ANO6: variants seen among roughly 807,000 people sequenced by gnomAD.
The protein encoded by ANO6 is anoctamin-6.
A neutral mutation model predicts 117.5 loss-of-function variants in ANO6; 106 were observed. The observed-to-expected ratio is 0.90, with a 90% confidence interval of 0.77 to 1.06. The LOEUF (loss-of-function observed/expected upper bound fraction) is 1.06. Among genes scored for constraint, ANO6 ranks in the 50% least tolerant of loss-of-function variants. The pLI is 0.00. For synonymous variants in ANO6, 367 were observed against 385.1 expected, an observed-to-expected ratio of 0.95 and a Z score of 0.55; for missense variants, 955 against 1,121.1, an observed-to-expected ratio of 0.85 and a Z score of 2.12.
At chr12:45,408,131 T>C (rs1277997908) in intron 15 of ANO6, among the ~76,000 whole-genome samples, 1 of 152,212 alleles carries the variant, frequency 6.6e-6, no homozygotes, top group African/African-American at 2.4e-5. Flanking sequence ...TGTGCACGTG[T>C]GCACATGTGA....
At chr12:45,337,957 A>G (rs965224512) in intron 3 of ANO6, among the ~76,000 whole-genome samples, 1 of 152,100 alleles carries the variant, frequency 6.6e-6, no homozygotes, top group Non-Finnish European at 1.5e-5. Flanking sequence ...AAGGTCACCT[A>G]TGGAAATATA....
chr12:45,422,427 A>G (rs1489671193), intron 18 of ANO6, among the ~76,000 whole-genome samples: 2 of 152,204 alleles, frequency 1.3e-5, no homozygotes, highest in Non-Finnish European at 2.9e-5. Flanking sequence ...ATTCTTTTCT[A>G]CAAAGATGGA....
chr12:45,348,710 G>T, intron 6 of ANO6, 79 bp downstream of exon 6: 1 of 1,059,694 alleles, frequency 9.4e-7, no homozygotes, highest in South Asian at 1.3e-5. Flanking sequence ...TAACTTTCCT[G>T]ACTGTAAGTT....
intron 1 of ANO6, among the ~76,000 whole-genome samples, chr12:45,246,015 A>G (rs1336983074): frequency 6.6e-6 from 1 of 152,132 alleles, no homozygotes; most frequent in Non-Finnish European, 1.5e-5. Flanking sequence ...AATATTACTA[A>G]TAAGCATTAC....
chr12:45,432,004 T>C lies in ANO6; in HGVS notation c.*2693T>C. 1 of 985,358 alleles carries C rather than the reference T, an allele frequency of 1.0e-6. No homozygotes were observed. Among genetic ancestry groups the C allele is most frequent in the Non-Finnish European group, 1.2e-6 (1 of 829,868 alleles). 61.0% of individuals were successfully genotyped at this position (985,358 alleles called of 1,614,324 possible). A position where few individuals can be genotyped will look rare whatever the true frequency, so the allele number is the denominator to read the frequency against. ...TTTATTTTAAAACTAAACAAGGCCA[T>C]CTTATAAACTGTCACCAAAGTCTTC... On this transcript the variant is annotated 3_prime_UTR_variant, in exon 20 of 20. Transcript: ENST00000320560.
At chr12:45,255,863 C>G (rs1362487128) in intron 1 of ANO6, among the ~76,000 whole-genome samples, 2 of 139,996 alleles carry the variant, frequency 1.4e-5, no homozygotes, top group African/African-American at 5.4e-5. Flanking sequence ...CCCATTCGCA[C>G]AGGCCAGAGC....
chr12:45,320,577 G>A (rs930927486), intron 2 of ANO6, among the ~76,000 whole-genome samples: 3 of 152,182 alleles, frequency 2.0e-5, no homozygotes, highest in African/African-American at 7.2e-5. Flanking sequence ...GTGTGGTGCT[G>A]AGAAGAATGT....
At chr12:45,367,833 AT>A (rs748369328) in intron 9 of ANO6, 40 bp downstream of exon 9, 12 of 1,432,154 alleles carry the variant, frequency 8.4e-6, no homozygotes, top group African/African-American at 5.6e-5. Flanking sequence ...CTAATGAAAG[AT>A]TTTTTTTCTA....
At chr12:45,221,953 C>T (rs535015652) in intron 1 of ANO6, among the ~76,000 whole-genome samples, 2 of 149,344 alleles carry the variant, frequency 1.3e-5, no homozygotes, top group South Asian at 4.2e-4. Flanking sequence ...GTGATCTCAG[C>T]TCACGGCAAG....
intron 2 of ANO6, among the ~76,000 whole-genome samples, chr12:45,314,728 G>T (rs1465050024): frequency 6.6e-6 from 1 of 151,934 alleles, no homozygotes; most frequent in South Asian, 2.1e-4. Context: ...TCTGGAGAAT[G>T]CCCACACAGA....
chr12:45,286,385 A>G (rs1428987428), intron 1 of ANO6, among the ~76,000 whole-genome samples: 3 of 152,214 alleles, frequency 2.0e-5, no homozygotes, highest in Admixed American at 6.5e-5. Context: ...TCCAGAAGGA[A>G]TTTTTATTGT....
chr12:45,216,139 T>C lies in ANO6; in HGVS notation c.-183T>C, dbSNP rs978864325. ...GCAGGCGAGAGGCGTCCTCCGGCTC[T>C]GGGCTCCGGTCGGTGGGTGCCTCGG... On this transcript the variant is annotated 5_prime_UTR_variant, in exon 1 of 20. Coordinates refer to ENST00000320560, the MANE Select transcript of ANO6 (RefSeq NM_001025356.3). 16 of 646,250 alleles carry C rather than the reference T, an allele frequency of 2.5e-5. No individual in the cohort carries two copies. In the Middle Eastern group the frequency reaches 1.3e-3, roughly 51 times the overall value. 40.0% of individuals were successfully genotyped at this position (646,250 alleles called of 1,614,324 possible).
chr12:45,326,787 CCACCTG>C (rs1417329724), intron 2 of ANO6, among the ~76,000 whole-genome samples: 5 of 152,322 alleles, frequency 3.3e-5, no homozygotes, highest in South Asian at 4.1e-4. Context: ...TCTTATTCAG[CCACCTG>C]TTCAAATGGA....
At chr12:45,290,305 G>A (rs1939053666) in intron 1 of ANO6, among the ~76,000 whole-genome samples, 1 of 151,378 alleles carries the variant, frequency 6.6e-6, no homozygotes, top group African/African-American at 2.4e-5. Context: ...ATTCCTTCTA[G>A]GCAGCAAAAA....
chr12:45,292,643 C>T (rs555906407), intron 1 of ANO6: 87 of 1,172,646 alleles, frequency 7.4e-5, no homozygotes, highest in South Asian at 1.2e-4. Context: ...TTCCAAAGGA[C>T]GCATGTTTAA....
intron 1 of ANO6, among the ~76,000 whole-genome samples, chr12:45,262,878 T>C (rs73293382): frequency 0.032 from 4,799 of 152,338 alleles, 122 homozygotes; most frequent in East Asian, 0.068. Flanking sequence ...TTATAAACTA[T>C]ACTTTGTGGC....
intron 1 of ANO6, among the ~76,000 whole-genome samples, chr12:45,247,898 A>T (rs936698033): frequency 5.9e-5 from 9 of 152,220 alleles, no homozygotes; most frequent in African/African-American, 2.2e-4. Context: ...GGAAGGACAC[A>T]GTTCAGTTCA....
At chr12:45,368,441 A>G (rs893206471) in intron 9 of ANO6, among the ~76,000 whole-genome samples, 4 of 152,252 alleles carry the variant, frequency 2.6e-5, no homozygotes, top group Non-Finnish European at 5.9e-5. Context: ...CTGTCTCTAT[A>G]ACTATGCATG....
chr12:45,238,598 A>C (rs1947686044), intron 1 of ANO6, among the ~76,000 whole-genome samples: 1 of 152,156 alleles, frequency 6.6e-6, no homozygotes, highest in Non-Finnish European at 1.5e-5. Context: ...GTGGTAAGAG[A>C]GGGCATCCTA....
Sources: allele counts gnomAD v4.1 joint callset (sites outside exome capture counted in the v4.1 genomes callset), GRCh38; gene constraint gnomAD v4.1.1; transcripts MANE v1.5; gene names NCBI Gene and HGNC (gene_info 2026-07-23, HGNC 2026-07-21).